The following ZNF718 variants were observed in gnomAD, a reference collection of about 807,000 sequenced individuals.
ZNF718 encodes zinc finger protein 718.
A neutral mutation model predicts 2.6 loss-of-function variants in ZNF718; 3 were observed. The observed-to-expected ratio is 1.16, with a 90% CI of 0.53 to 3.01. The LOEUF is 3.01. Ranked by LOEUF, ZNF718 falls within the 30% of genes most tolerant of loss-of-function variation. The pLI, the probability that ZNF718 is intolerant of heterozygous loss-of-function variation, is 0.03. For missense variants in ZNF718, 468 were observed against 230.0 expected (o/e 2.03, Z -6.69); for synonymous variants, 135 against 77.9 (o/e 1.73, Z -3.86).
In ZNF718 at chr4:190,045, T is replaced by C. The variant is rs1001729987; in HGVS notation, c.227-11036T>C. 7.9e-5 allele frequency among the ~76,000 whole-genome samples: 12 copies of C among 152,176 alleles called. No individual in the cohort carries two copies. In the South Asian group the frequency reaches 8.3e-4, roughly 10 times the overall value. On this transcript the variant is annotated intron_variant and NMD_transcript_variant, in intron 3 of 4. Coordinates refer to the ZNF718 transcript ENST00000642529. ...TTTCATCAGGAATTCTATATTTATA[T>C]AGGATTTTGGTCCACAGTCTTCTTT...
chr4:169,825 T>C (rs1717179929), intron 3 of ZNF718, among the ~76,000 whole-genome samples: 3 of 152,268 alleles, frequency 2.0e-5, no homozygotes, highest in African/African-American at 4.8e-5. Context: ...TGTCTTTTAA[T>C]TGGAGTATTT....
intron 3 of ZNF718, among the ~76,000 whole-genome samples, chr4:144,247 A>G (rs1167719355): frequency 6.6e-6 from 1 of 152,006 alleles, no homozygotes; most frequent in African/African-American, 2.4e-5. Flanking sequence ...TGCTTTGTGT[A>G]TTTTGTCCAA....
rs1347643246 is a variant in ZNF718 at position 163,082 on chromosome 4, T to C, written c.*960T>C. On this transcript the variant is annotated 3_prime_UTR_variant, in exon 4 of 4. Coordinates refer to ENST00000510175, the MANE Select transcript of ZNF718 (RefSeq NM_001039127.6). Reference sequence around the variant, plus strand: ...ATTTTTTGAAAAGCAAATTCAACTCTAAAATTACTTCATACTGATTCAACT... The same window carrying C: ...ATTTTTTGAAAAGCAAATTCAACTCCAAAATTACTTCATACTGATTCAACT... 2 of 152,230 alleles carry C rather than the reference T, an allele frequency of 1.3e-5. No individual in the cohort carries two copies. The allele number at this position is 152,230 out of a possible 1,614,324, so 9.4% of individuals were successfully genotyped here.
intron 4 of ZNF718, chr4:201,493 CT>C (rs1560135770): frequency 1.3e-5 from 2 of 153,396 alleles, no homozygotes; most frequent in African/African-American, 4.8e-5. Flanking sequence ...GGTGGACCTA[CT>C]GGCCTCTGAT....
At chr4:145,634 T>C (rs1716017236) in intron 3 of ZNF718, among the ~76,000 whole-genome samples, 1 of 152,146 alleles carries the variant, frequency 6.6e-6, no homozygotes, top group Non-Finnish European at 1.5e-5. Flanking sequence ...TTTTTTGTAC[T>C]TTATATAGAG....
downstream of ZNF718, among the ~76,000 whole-genome samples, chr4:167,676 C>G (rs1434796655): frequency 1.3e-5 from 2 of 152,082 alleles, no homozygotes; most frequent in Non-Finnish European, 2.9e-5. Flanking sequence ...TATAAGAACG[C>G]TTGGGATTTT....
chr4:174,034 G>C (rs1305524093), intron 3 of ZNF718, among the ~76,000 whole-genome samples: 1 of 152,140 alleles, frequency 6.6e-6, no homozygotes, highest in African/African-American at 2.4e-5. Context: ...ATGATCAAAG[G>C]TCAGTTTTAG....
rs140844872 is a variant in ZNF718 at position 154,599 on chromosome 4, C to T, written c.227-6313C>T. ...GCTCCTGCACTAGAGATCTGTGGAA[C>T]TTTGAACTTGAGGGAAATGACTTAG... On this transcript the variant is annotated intron_variant, in intron 3 of 3. Coordinates refer to ENST00000510175, the MANE Select transcript of ZNF718 (RefSeq NM_001039127.6). Among the ~76,000 whole-genome samples, 104 of 152,236 alleles carry T rather than the reference C, an allele frequency of 6.8e-4. No individual in the cohort carries two copies. The East Asian group carries it at 0.016, about 23-fold the overall frequency.
Position 133,219 on chromosome 4 carries a change from T to A in ZNF718, c.226+1714T>A, listed in dbSNP as rs1160871498. On this transcript the variant is annotated intron_variant, in intron 3 of 3. Transcript: ENST00000510175. Reference sequence around the variant, plus strand: ...AAATATATATATATATATATATATATATATATATATGGTAACACTAATAAT... The same window carrying A: ...AAATATATATATATATATATATATAAATATATATATGGTAACACTAATAAT... 6.9e-4 allele frequency among the ~76,000 whole-genome samples: 20 copies of A among 28,830 alleles called. 6 individuals carry two copies. The highest frequency in any genetic ancestry group is 2.3e-3 in the African/African-American group (20 of 8,558). 18.9% of individuals were successfully genotyped at this position (28,830 alleles called of 152,430 possible). A position where few individuals can be genotyped will look rare whatever the true frequency, so the allele number is the denominator to read the frequency against.
chr4:168,716 T>C (rs1333060118), downstream of ZNF718, among the ~76,000 whole-genome samples: 2 of 152,204 alleles, frequency 1.3e-5, no homozygotes, highest in Non-Finnish European at 2.9e-5. Context: ...TATCATTTTT[T>C]ATTGCATCTA....
chr4:186,116 G>A (rs1408353695), intron 3 of ZNF718, among the ~76,000 whole-genome samples: 1 of 151,882 alleles, frequency 6.6e-6, no homozygotes, highest in Non-Finnish European at 1.5e-5. Context: ...GAAGTGTAGT[G>A]GCTGGTAATG....
intron 3 of ZNF718, among the ~76,000 whole-genome samples, chr4:155,994 TAA>T (rs1362355392): frequency 6.6e-6 from 1 of 152,200 alleles, no homozygotes; most frequent in Non-Finnish European, 1.5e-5. Flanking sequence ...ATGGTTTTTA[TAA>T]GAGGTTTCCC....
chr4:151,060 C>G (rs1253419784), intron 3 of ZNF718, among the ~76,000 whole-genome samples: 4 of 152,040 alleles, frequency 2.6e-5, no homozygotes, highest in Non-Finnish European at 5.9e-5. Flanking sequence ...GTTTTCTTTT[C>G]TATACAGTCT....
At chr4:141,846 A>G (rs1263486981) in intron 3 of ZNF718, among the ~76,000 whole-genome samples, 1 of 152,204 alleles carries the variant, frequency 6.6e-6, no homozygotes, top group Non-Finnish European at 1.5e-5. Flanking sequence ...AGCTTCAGGT[A>G]TATTTGGTCA....
chr4:157,551 C>G (rs1480542177), intron 3 of ZNF718, among the ~76,000 whole-genome samples: 1 of 152,144 alleles, frequency 6.6e-6, no homozygotes, highest in Non-Finnish European at 1.5e-5. Context: ...CTGATTATTA[C>G]ATTCAACAGT....
At chr4:131,576 A>G (rs1429607394) in intron 3 of ZNF718, 71 bp downstream of exon 3, 6,716 of 295,186 alleles carry the variant, frequency 0.023, 1,948 homozygotes, top group African/African-American at 0.075. Context: ...CCAGGCCTTC[A>G]AATGTTGTTT....
intron 3 of ZNF718, 64 bp from the exon 4 acceptor site, chr4:160,848 G>C (rs1211773639): frequency 1.4e-6 from 1 of 690,636 alleles, no homozygotes; most frequent in Non-Finnish European, 2.6e-6. Context: ...ATAGTGCCTG[G>C]CCTGTAAAGT....
intron 3 of ZNF718, among the ~76,000 whole-genome samples, chr4:143,225 T>C (rs375937043): frequency 6.6e-6 from 1 of 152,208 alleles, no homozygotes; most frequent in Non-Finnish European, 1.5e-5. Flanking sequence ...AGACGGAGTC[T>C]CTGTCACCCA....
At chr4:199,815 G>A (rs761514549) in intron 3 of ZNF718, among the ~76,000 whole-genome samples, 3 of 152,018 alleles carry the variant, frequency 2.0e-5, no homozygotes, top group Non-Finnish European at 2.9e-5. Context: ...TTCCCCTAAC[G>A]CCACACCTGT....
Sources: allele counts gnomAD v4.1 joint callset (sites outside exome capture counted in the v4.1 genomes callset), GRCh38; gene constraint gnomAD v4.1.1; transcripts MANE v1.5; gene names NCBI Gene and HGNC (gene_info 2026-07-23, HGNC 2026-07-21).